Variants in KCTD16 observed in about 807,000 individuals in gnomAD.
KCTD16 encodes BTB/POZ domain-containing protein KCTD16.
In KCTD16, 13 loss-of-function variants were observed where a neutral mutation model predicts 33.2. That is an observed-to-expected ratio of 0.39 (90% CI 0.25 to 0.62). KCTD16 has a LOEUF of 0.62. KCTD16 is among the 20% of genes least tolerant of loss of function. The pLI is 0.50. For missense variants in KCTD16, 441 were observed against 525.1 expected, an observed-to-expected ratio of 0.84 and a Z score of 1.57; for synonymous variants, 197 against 195.3, an observed-to-expected ratio of 1.01 and a Z score of -0.07.
rs192600803 is a variant in KCTD16, at chr5:144,173,014, C to T, written c.-492-1293C>T. ...GCGAGGTTTTAGAGAAAAAGGAATG[C>T]GTATACACTGTTAGTGAGAGTGTAA... On this transcript the variant is annotated intron_variant, in intron 1 of 3. Coordinates refer to ENST00000512467, the MANE Select transcript of KCTD16 (RefSeq NM_020768.4). 2.4e-3 allele frequency among the ~76,000 whole-genome samples: 367 copies of T among 152,158 alleles called. 1 individual carries two copies. Among genetic ancestry groups the T allele is most frequent in the Admixed American group, 7.7e-3 (118 of 15,264 alleles).
Position 144,465,185 on chromosome 5 carries a change from C to CT in KCTD16, c.833-8475_833-8474insT, listed in dbSNP as rs1469408866. 1.8e-4 allele frequency among the ~76,000 whole-genome samples: 18 copies of CT among 100,528 alleles called. 3 individuals are homozygous for CT. The highest frequency in any genetic ancestry group is 1.0e-3 in the East Asian group (2 of 1,934). The allele number at this position is 100,528 out of a possible 152,430, so 66.0% of individuals were successfully genotyped here. A position where few individuals can be genotyped will look rare whatever the true frequency, so the allele number is the denominator to read the frequency against. On this transcript the variant is annotated intron_variant, in intron 3 of 3. Transcript: ENST00000512467. ...ATCACATACATAGTCTCTCTCTCCC[C>CT]CCCCTCTCTCTCTCACTCTCTCTCT...
At chr5:144,248,439 AC>A (rs1196788145) in intron 3 of KCTD16, among the ~76,000 whole-genome samples, 6 of 152,358 alleles carry the variant, frequency 3.9e-5, no homozygotes, top group African/African-American at 1.4e-4. Context: ...AAGCAAGTGA[AC>A]TAAATACTGT....
intron 3 of KCTD16, among the ~76,000 whole-genome samples, chr5:144,269,040 C>G (rs1284653861): frequency 1.3e-5 from 2 of 151,900 alleles, no homozygotes; most frequent in African/African-American, 4.8e-5. Context: ...ATTATCAAGT[C>G]TTAGGACCAG....
intron 3 of KCTD16, among the ~76,000 whole-genome samples, chr5:144,434,829 G>A (rs1753540275): frequency 6.6e-6 from 1 of 152,096 alleles, no homozygotes; most frequent in African/African-American, 2.4e-5. Flanking sequence ...TGACACTGTG[G>A]GAGACAACAT....
At chr5:144,189,016 A>G (rs890977254) in intron 2 of KCTD16, among the ~76,000 whole-genome samples, 9 of 152,202 alleles carry the variant, frequency 5.9e-5, no homozygotes, top group African/African-American at 1.2e-4. Context: ...TAATTTGCAA[A>G]CACATTGATA....
At chr5:144,398,708 A>T (rs529070166) in intron 3 of KCTD16, among the ~76,000 whole-genome samples, 2,462 of 145,484 alleles carry the variant, frequency 0.017, 46 homozygotes, top group African/African-American at 0.049. Context: ...ACACACACAC[A>T]CTCTCTCTCT....
intron 3 of KCTD16, among the ~76,000 whole-genome samples, chr5:144,353,544 T>C (rs1408312574): frequency 6.6e-6 from 1 of 152,198 alleles, no homozygotes; most frequent in African/African-American, 2.4e-5. Context: ...ATTGTAAAAG[T>C]TAAAATAATG....
chr5:144,242,820 A>C (rs1236947901), intron 3 of KCTD16, among the ~76,000 whole-genome samples: 1 of 152,170 alleles, frequency 6.6e-6, no homozygotes, highest in Non-Finnish European at 1.5e-5. Context: ...GAACTCACTT[A>C]AGCCCAAGGA....
chr5:144,193,557 A>AGCTCATTTCACTATATGAAATGATCTT (rs1294347957), intron 2 of KCTD16, among the ~76,000 whole-genome samples: 110 of 152,164 alleles, frequency 7.2e-4, no homozygotes, highest in Non-Finnish European at 1.3e-3. Context: ...TTTTATTCAT[A>AGCTCATTTCACTATATGAAATGATCTT]GCTCATTTCA....
rs566041360 is a variant in KCTD16 at position 144,190,166 on chromosome 5, T to G, written c.-327+15694T>G. ...ATACCTCTATTATAGCTCCTATCAC[T>G]GCACTGGATTTATTTGTTTACGAGT... On this transcript the variant is annotated intron_variant, in intron 2 of 3. Coordinates refer to ENST00000512467, the MANE Select transcript of KCTD16 (RefSeq NM_020768.4). Among the ~76,000 whole-genome samples, 7 of 152,360 alleles carry G rather than the reference T, an allele frequency of 4.6e-5. No individual in the cohort carries two copies. In the East Asian group the frequency reaches 1.2e-3, roughly 25 times the overall value.
At chr5:144,292,213 G>A (rs1346962947) in intron 3 of KCTD16, among the ~76,000 whole-genome samples, 1 of 152,244 alleles carries the variant, frequency 6.6e-6, no homozygotes, top group African/African-American at 2.4e-5. Flanking sequence ...CATTGGCAGT[G>A]TTCCTGCAAA....
chr5:144,215,420 C>G (rs1392051668), intron 3 of KCTD16, among the ~76,000 whole-genome samples: 1 of 152,162 alleles, frequency 6.6e-6, no homozygotes, highest in African/African-American at 2.4e-5. Context: ...TTCTTACTGC[C>G]AAAGTATTCC....
intron 3 of KCTD16, among the ~76,000 whole-genome samples, chr5:144,221,368 T>A (rs769165366): frequency 6.6e-6 from 1 of 152,134 alleles, no homozygotes; most frequent in Non-Finnish European, 1.5e-5. Context: ...GCTGCACCCA[T>A]CATCCCATCA....
chr5:144,458,839 A>G (rs1219522702), intron 3 of KCTD16, among the ~76,000 whole-genome samples: 1 of 152,206 alleles, frequency 6.6e-6, no homozygotes, highest in Non-Finnish European at 1.5e-5. Flanking sequence ...TCCCTGTTGT[A>G]GAGAACCCAC....
intron 3 of KCTD16, among the ~76,000 whole-genome samples, chr5:144,433,939 A>G (rs1185353132): frequency 6.6e-6 from 1 of 152,166 alleles, no homozygotes; most frequent in Non-Finnish European, 1.5e-5. Flanking sequence ...GTATTATATT[A>G]TCAGCCACTG....
intron 3 of KCTD16, among the ~76,000 whole-genome samples, chr5:144,416,828 T>G (rs566044882): frequency 2.0e-5 from 3 of 152,190 alleles, no homozygotes; most frequent in Admixed American, 6.6e-5. Flanking sequence ...TTTGTGTCTT[T>G]GTGGATTTAT....
At chr5:144,246,416 T>G (rs1270127799) in intron 3 of KCTD16, among the ~76,000 whole-genome samples, 1 of 152,228 alleles carries the variant, frequency 6.6e-6, no homozygotes, top group Non-Finnish European at 1.5e-5. Context: ...TGATAAACAT[T>G]TATTTAGGGG....
At chr5:144,391,079 G>A (rs1012394848) in intron 3 of KCTD16, among the ~76,000 whole-genome samples, 5 of 151,800 alleles carry the variant, frequency 3.3e-5, no homozygotes, top group Admixed American at 2.0e-4. Flanking sequence ...TCAGACTTAC[G>A]TTGTGCCCCC....
intron 3 of KCTD16, among the ~76,000 whole-genome samples, chr5:144,350,436 C>T (rs1751390997): frequency 6.6e-6 from 1 of 152,076 alleles, no homozygotes; most frequent in Admixed American, 6.6e-5. Context: ...AATTATAAAG[C>T]ATCCTGATAT....
Sources: gnomAD v4.1 joint callset for allele counts (sites outside exome capture counted in the v4.1 genomes callset) on GRCh38, gnomAD v4.1.1 for gene constraint, MANE v1.5 for transcripts, NCBI Gene and HGNC (gene_info 2026-07-23, HGNC 2026-07-21) for gene names.